Variants in OSBPL10 observed in about 807,000 individuals in gnomAD.
OSBPL10 encodes the protein oxysterol-binding protein-related protein 10.
Under a neutral mutation model 81.7 loss-of-function variants are expected in OSBPL10, and 49 were observed. The observed-to-expected ratio is 0.60, with a 90% CI of 0.48 to 0.76. The LOEUF is 0.76. OSBPL10 is among the 30% of genes least tolerant of loss of function. OSBPL10 has a pLI of 0.00. For synonymous variants in OSBPL10, 419 were observed against 383.6 expected (o/e 1.09, Z -1.08); for missense variants, 923 against 987.8 (o/e 0.93, Z 0.88).
chr3:31,875,234 T>G lies in OSBPL10; in HGVS notation c.537+1199A>C, dbSNP rs979321592. Among the ~76,000 whole-genome samples the G allele has an allele frequency of 4.6e-5, 7 of 152,238 alleles. 1 individual carries two copies. The East Asian group carries it at 9.7e-4, about 21-fold the overall frequency. On this transcript the variant is annotated intron_variant, in intron 3 of 11. Coordinates refer to ENST00000396556, the MANE Select transcript of OSBPL10 (RefSeq NM_017784.5). ...ATATTCAAGAACTGTTAAGAACAAC[T>G]ATCTCTAATGAGCACATAGGGCAAT...
chr3:31,963,774 C>A (rs767686193), intron 1 of OSBPL10, among the ~76,000 whole-genome samples: 16 of 152,196 alleles, frequency 1.1e-4, no homozygotes, highest in Middle Eastern at 3.4e-3. Flanking sequence ...GTCATGAAAT[C>A]TCTGGATAAA....
chr3:31,692,454 A>G (rs1418319510), intron 7 of OSBPL10, among the ~76,000 whole-genome samples: 1 of 152,192 alleles, frequency 6.6e-6, no homozygotes, highest in Admixed American at 6.5e-5. Flanking sequence ...AGCAACAGGC[A>G]TTAGACACAA....
At chr3:31,702,217 A>AT (rs1695916245) in intron 7 of OSBPL10, 142 bp downstream of exon 7, 1 of 982,672 alleles carries the variant, frequency 1.0e-6, no homozygotes, top group Non-Finnish European at 1.5e-6. Context: ...TGGAATATCC[A>AT]TACTTGAAAG....
intron 9 of OSBPL10, among the ~76,000 whole-genome samples, chr3:31,669,753 G>GC (rs1460693982): frequency 6.6e-6 from 1 of 152,184 alleles, no homozygotes; most frequent in African/African-American, 2.4e-5. Context: ...GGGGATGCCT[G>GC]CCCCAAAGCA....
chr3:31,675,366 C>CT lies in OSBPL10; in HGVS notation c.1727-4384dup, dbSNP rs545963282. Among the ~76,000 whole-genome samples the CT allele has an allele frequency of 1.3e-3, 191 of 152,272 alleles. 1 individual carries two copies. The highest frequency in any genetic ancestry group is 6.8e-3 in the Middle Eastern group (2 of 294). ...TTTTTTCATGGAGAATATGCCACGA[C>CT]TTTTTTTAAGACCTGGATGAAATCT... is the stretch of plus-strand genomic sequence containing the variant. On this transcript the variant is annotated intron_variant, in intron 8 of 11. Transcript: ENST00000396556.
chr3:31,875,152 C>T (rs534552839), intron 3 of OSBPL10, among the ~76,000 whole-genome samples: 7 of 148,720 alleles, frequency 4.7e-5, no homozygotes, highest in African/African-American at 1.7e-4. Context: ...CATGTATTTA[C>T]GTAGATACAG....
chr3:31,948,921 T>C (rs1697781355), intron 1 of OSBPL10, among the ~76,000 whole-genome samples: 1 of 152,100 alleles, frequency 6.6e-6, no homozygotes, highest in African/African-American at 2.4e-5. Flanking sequence ...AATTCCAGAG[T>C]AGCGAAATTA....
At chr3:31,843,142 G>A (rs1010613121) in intron 3 of OSBPL10, among the ~76,000 whole-genome samples, 1 of 152,156 alleles carries the variant, frequency 6.6e-6, no homozygotes, top group Admixed American at 6.5e-5. Flanking sequence ...CTTCTGACCT[G>A]GGACTCTTCT....
chr3:31,942,470 A>C (rs1243637660), intron 1 of OSBPL10, among the ~76,000 whole-genome samples: 4 of 141,770 alleles, frequency 2.8e-5, no homozygotes, highest in Admixed American at 1.5e-4. Context: ...AGGAGTTGGA[A>C]GTTGCAGTGA....
intron 4 of OSBPL10, among the ~76,000 whole-genome samples, chr3:31,758,758 C>G (rs1452470384): frequency 6.6e-6 from 1 of 152,186 alleles, no homozygotes; most frequent in Non-Finnish European, 1.5e-5. Flanking sequence ...GCATGAAGCT[C>G]AATTGCATGT....
chr3:31,673,640 T>G (rs1002362009), intron 8 of OSBPL10, among the ~76,000 whole-genome samples: 1 of 152,220 alleles, frequency 6.6e-6, no homozygotes, highest in Non-Finnish European at 1.5e-5. Flanking sequence ...GGGCTACAGA[T>G]AGCCCCCAAC....
chr3:31,985,864 C>T (rs571643554), upstream of OSBPL10, among the ~76,000 whole-genome samples: 2 of 152,186 alleles, frequency 1.3e-5, no homozygotes, highest in African/African-American at 4.8e-5. Context: ...TCACAACAAC[C>T]ACATGAGGAG....
intron 1 of OSBPL10, among the ~76,000 whole-genome samples, chr3:31,954,388 T>C (rs1697952684): frequency 6.6e-6 from 1 of 152,232 alleles, no homozygotes; most frequent in Non-Finnish European, 1.5e-5. Flanking sequence ...CTTCTGGTTC[T>C]TTCTACTTGC....
intron 4 of OSBPL10, among the ~76,000 whole-genome samples, chr3:31,756,068 C>T (rs1697878311): frequency 6.6e-6 from 1 of 152,186 alleles, no homozygotes; most frequent in Admixed American, 6.5e-5. Context: ...CATAACACAA[C>T]TTATCGTACG....
intron 5 of OSBPL10, among the ~76,000 whole-genome samples, chr3:31,740,857 T>TTTTATATATATATATATA (rs1553620066): frequency 0.012 from 1,570 of 136,430 alleles, 94 homozygotes; most frequent in African/African-American, 0.049. Context: ...CTACTAGAAT[T>TTTTATATATATATATATA]TATATATATA....
At chr3:31,850,495 G>A (rs1233613428) in intron 3 of OSBPL10, among the ~76,000 whole-genome samples, 1 of 152,178 alleles carries the variant, frequency 6.6e-6, no homozygotes, top group Non-Finnish European at 1.5e-5. Context: ...TTACTTTGGA[G>A]AATAGAGTGG....
At chr3:32,009,896 T>G (rs1028143216) in intron 2 of OSBPL10, among the ~76,000 whole-genome samples, 1 of 152,250 alleles carries the variant, frequency 6.6e-6, no homozygotes, top group African/African-American at 2.4e-5. Flanking sequence ...AAATGCTTTA[T>G]GGCCTTGAGG....
At chr3:31,729,912 G>A (rs1696917330) in intron 6 of OSBPL10, among the ~76,000 whole-genome samples, 1 of 152,202 alleles carries the variant, frequency 6.6e-6, no homozygotes, top group South Asian at 2.1e-4. Flanking sequence ...CTGCCTGCCA[G>A]CAGCACGAGC....
chr3:31,967,488 GAAA>G (rs11386348), intron 1 of OSBPL10, among the ~76,000 whole-genome samples: 1 of 149,006 alleles, frequency 6.7e-6, no homozygotes, highest in Non-Finnish European at 1.5e-5. Context: ...TCAAAAAAAT[GAAA>G]AAAAAAAGTT....
Sources: allele counts gnomAD v4.1 joint callset (sites outside exome capture counted in the v4.1 genomes callset), GRCh38; gene constraint gnomAD v4.1.1; transcripts MANE v1.5; gene names NCBI Gene and HGNC (gene_info 2026-07-23, HGNC 2026-07-21).